The following BMPR2 variants were observed in gnomAD, a reference collection of about 807,000 sequenced individuals.
BMPR2 encodes the protein bone morphogenetic protein receptor type 2.
BMPR2 carries 29 observed loss-of-function variants against 100.8 expected under a neutral mutation model. The observed-to-expected ratio is 0.29, with a 90% CI of 0.21 to 0.39. BMPR2 has a LOEUF of 0.39. Ranked by LOEUF, BMPR2 falls within the 10% of genes least tolerant of loss-of-function variation. BMPR2 has a pLI of 1.00. For missense variants in BMPR2, 1,011 were observed against 1,274.5 expected (o/e 0.79, Z 3.15); for synonymous variants, 382 against 442.3 (o/e 0.86, Z 1.71).
intron 1 of BMPR2, among the ~76,000 whole-genome samples, chr2:202,393,891 G>GAGAGAGAGAGAGAGAC (rs1690605023): frequency 1.4e-5 from 1 of 70,212 alleles, no homozygotes; most frequent in Non-Finnish European, 2.8e-5. Flanking sequence ...GCGAGAGAGA[G>GAGAGAGAGAGAGAGAC]AGAGAGAGAG....
At chr2:202,381,704 G>A (rs572853680) in intron 1 of BMPR2, among the ~76,000 whole-genome samples, 2 of 152,288 alleles carry the variant, frequency 1.3e-5, no homozygotes, top group South Asian at 4.1e-4. Flanking sequence ...CTTACCCTTT[G>A]AAGAGGGCCA....
intron 1 of BMPR2, among the ~76,000 whole-genome samples, chr2:202,382,757 A>G (rs941387788): frequency 1.8e-4 from 28 of 152,228 alleles, no homozygotes; most frequent in African/African-American, 6.8e-4. Context: ...TTGGGAGTTA[A>G]TGAGACCTAG....
rs188457625 is a variant in BMPR2, at chr2:202,554,258, A to C, written c.1587-994A>C. Among the ~76,000 whole-genome samples the C allele has an allele frequency of 3.7e-4, 57 of 152,198 alleles. 1 individual carries two copies. Among genetic ancestry groups the C allele is most frequent in the Admixed American group, 8.5e-4 (13 of 15,284 alleles). ...GTATGATGTTTTTACCTCTCTCAAA[A>C]GTCAGCTAAAGCTTTTATTTTGAAT... is the stretch of plus-strand genomic sequence containing the variant. On this transcript the variant is annotated intron_variant, in intron 11 of 12. Coordinates refer to ENST00000374580, the MANE Select transcript of BMPR2 (RefSeq NM_001204.7).
At chr2:202,501,357 C>A (rs1177412778) in intron 3 of BMPR2, among the ~76,000 whole-genome samples, 1 of 152,164 alleles carries the variant, frequency 6.6e-6, no homozygotes, top group East Asian at 1.9e-4. Flanking sequence ...ATCAAGGAAA[C>A]CCAGAAGGCA....
chr2:202,450,222 T>A (rs1052348255), intron 1 of BMPR2, among the ~76,000 whole-genome samples: 1 of 152,168 alleles, frequency 6.6e-6, no homozygotes, highest in Non-Finnish European at 1.5e-5. Flanking sequence ...TTTGAGAACA[T>A]CCTGAGCAGG....
chr2:202,505,325 A>G (rs557151322), intron 3 of BMPR2: 1 of 142,382 alleles, frequency 7.0e-6, no homozygotes, highest in South Asian at 2.3e-4. Context: ...TGTAGAGGAC[A>G]CTCTCTTAGG....
At chr2:202,420,493 C>G (rs1691234092) in intron 1 of BMPR2, among the ~76,000 whole-genome samples, 1 of 150,816 alleles carries the variant, frequency 6.6e-6, no homozygotes, top group African/African-American at 2.4e-5. Flanking sequence ...CGTTTATAAC[C>G]CTATACGTCC....
chr2:202,495,374 G>A lies in BMPR2; in HGVS notation c.419-18345G>A, dbSNP rs1001838634. On this transcript the variant is annotated intron_variant, in intron 3 of 12. Coordinates refer to ENST00000374580, the MANE Select transcript of BMPR2 (RefSeq NM_001204.7). This position sits in a 1 kb window ranked among gnomAD's most constrained non-coding sequence, Gnocchi z 4.5. ...TCCGTCTGCCCCAGCCAAACTCCGC[G>A]TCGTTGTCGTTCTGTCGACGGCCTG... Among the ~76,000 whole-genome samples, 3 of 152,198 alleles carry A rather than the reference G, an allele frequency of 2.0e-5. No homozygotes were observed. The highest frequency in any genetic ancestry group is 4.4e-5 in the Non-Finnish European group (3 of 68,042).
intron 7 of BMPR2, among the ~76,000 whole-genome samples, chr2:202,526,283 T>C (rs1687910648): frequency 6.6e-6 from 1 of 152,214 alleles, no homozygotes. Context: ...TCTACCCTCA[T>C]CCCTTGCTAC....
intron 2 of BMPR2, among the ~76,000 whole-genome samples, chr2:202,466,510 C>T (rs1559047186): frequency 6.6e-6 from 1 of 152,146 alleles, no homozygotes. Flanking sequence ...TGGTCTCGAT[C>T]TCCTGACCCT....
chr2:202,475,467 A>G (rs912193269), intron 3 of BMPR2, among the ~76,000 whole-genome samples: 2 of 152,236 alleles, frequency 1.3e-5, no homozygotes, highest in Admixed American at 1.3e-4. Context: ...TAAGAGAAAT[A>G]TAAGGTTGCA....
chr2:202,532,705 T>C lies in BMPR2; in HGVS notation c.1249T>C (p.Phe417Leu). Residue 417 changes from phenylalanine to leucine, a missense_variant, in exon 9 of 13, where the codon TTT becomes CTT. Transcript: ENST00000374580. The surrounding 1 kb of genome is among the most constrained non-coding windows in gnomAD (Gnocchi z 4.1). ...YALGLIYWEI[F>L]MRCTDLFPGE... ...TCTTGGACTAATCTATTGGGAGATA[T>C]TTATGAGATGTACAGACCTCTTCCC... 15 of 1,613,488 alleles carry C rather than the reference T, an allele frequency of 9.3e-6. No individual in the cohort carries two copies. The highest frequency in any genetic ancestry group is 1.3e-5 in the Non-Finnish European group (15 of 1,179,946).
At position 202,563,817 on chromosome 2, in the gene BMPR2, T is replaced by A. The variant is rs941625235; in HGVS notation, c.*3871T>A. The A allele has an allele frequency of 6.6e-6, 1 of 152,240 alleles. No homozygotes were observed. The highest frequency in any genetic ancestry group is 2.4e-5 in the African/African-American group (1 of 41,468). The allele number at this position is 152,240 out of a possible 1,614,324, so 9.4% of individuals were successfully genotyped here. ...CCTTTGAATCCATCTTCAAAACTTC[T>A]GCTTTTAATAACTTTAGAAAATTTA... On this transcript the variant is annotated 3_prime_UTR_variant, in exon 13 of 13. Transcript: ENST00000374580.
chr2:202,546,784 C>T (rs1688382957), intron 10 of BMPR2, among the ~76,000 whole-genome samples: 1 of 151,860 alleles, frequency 6.6e-6, no homozygotes, highest in South Asian at 2.1e-4. Flanking sequence ...TTGTGTTTTT[C>T]GTAGAGATGG....
At chr2:202,436,916 T>C (rs1295977879) in intron 1 of BMPR2, among the ~76,000 whole-genome samples, 2 of 150,726 alleles carry the variant, frequency 1.3e-5, no homozygotes, top group Non-Finnish European at 2.9e-5. Flanking sequence ...GTTCCTCTCA[T>C]ATCTCTTTTT....
At chr2:202,429,030 G>C (rs1252843569) in intron 1 of BMPR2, among the ~76,000 whole-genome samples, 1 of 152,114 alleles carries the variant, frequency 6.6e-6, no homozygotes, top group East Asian at 1.9e-4. Context: ...TGTGACTTCA[G>C]GGCCTATACT....
intron 3 of BMPR2, among the ~76,000 whole-genome samples, chr2:202,483,462 A>C (rs147691076): frequency 2.0e-5 from 3 of 151,108 alleles, no homozygotes; most frequent in Non-Finnish European, 2.9e-5. Context: ...GCTCACTGCA[A>C]TCTCCGCCCC....
At chr2:202,480,120 C>A (rs1402675937) in intron 3 of BMPR2, among the ~76,000 whole-genome samples, 2 of 151,588 alleles carry the variant, frequency 1.3e-5, no homozygotes, top group East Asian at 3.9e-4. Flanking sequence ...ACTCTGAAAC[C>A]ATTTTCTTTT....
chr2:202,470,888 C>A (rs1314754386), intron 3 of BMPR2, among the ~76,000 whole-genome samples: 3 of 151,680 alleles, frequency 2.0e-5, no homozygotes, highest in African/African-American at 4.8e-5. Flanking sequence ...GCAACATAGA[C>A]CTTATCTCAA....
Sources: gnomAD v4.1 joint callset for allele counts (sites outside exome capture counted in the v4.1 genomes callset) on GRCh38, gnomAD v4.1.1 for gene constraint, Gnocchi (gnomAD v3.1) non-coding constraint, MANE v1.5 for transcripts, NCBI Gene and HGNC (gene_info 2026-07-23, HGNC 2026-07-21) for gene names.